The following LRRC73 variants were observed in gnomAD, a reference collection of about 807,000 sequenced individuals.
LRRC73 encodes leucine-rich repeat-containing protein 73.
In LRRC73, 16 loss-of-function variants were observed where a neutral mutation model predicts 26.4. That is an observed-to-expected ratio of 0.61 (90% CI 0.41 to 0.92). The LOEUF (loss-of-function observed/expected upper bound fraction) is 0.92, where lower values mean the gene tolerates loss of function less well. Ranked by LOEUF, LRRC73 falls within the 40% of genes least tolerant of loss-of-function variation. The pLI is 0.00. For missense variants in LRRC73, 344 were observed against 416.3 expected, an observed-to-expected ratio of 0.83 and a Z score of 1.51; for synonymous variants, 210 against 179.8, an observed-to-expected ratio of 1.17 and a Z score of -1.34.
chr6:43,507,864 C>A, exon 4 of LRRC73: 1 of 1,613,898 alleles, frequency 6.2e-7, no homozygotes, highest in Non-Finnish European at 8.5e-7. Context: ...CCCTCCAAGT[C>A]TAGGACCTCT....
At chr6:43,507,884 C>A in exon 4 of LRRC73, 1 of 1,613,972 alleles carries the variant, frequency 6.2e-7, no homozygotes, top group Non-Finnish European at 8.5e-7. Flanking sequence ...TAGGGTACGA[C>A]TAGAGGCCAC....
Position 43,507,113 on chromosome 6 carries a change from G to C in LRRC73, c.*125C>G, listed in dbSNP as rs565867455. ...CCTTCCCACCACACTGCCAGGAGCT[G>C]CCAGAGCCCCCATGCAGCCCCTGAC... On this transcript the variant is annotated 3_prime_UTR_variant, in exon 6 of 6. Coordinates refer to ENST00000372441, the Ensembl canonical transcript of LRRC73. The C allele has an allele frequency of 3.5e-4, 343 of 975,088 alleles. 2 individuals carry two copies. Among genetic ancestry groups the C allele is most frequent in the Non-Finnish European group, 2.2e-5 (14 of 640,412 alleles). The allele number at this position is 975,088 out of a possible 1,614,324, so 60.4% of individuals were successfully genotyped here. A position where few individuals can be genotyped will look rare whatever the true frequency, so the allele number is the denominator to read the frequency against.
chr6:43,507,639 G>C (rs761992197), exon 5 of LRRC73: 1 of 1,614,114 alleles, frequency 6.2e-7, no homozygotes, highest in Non-Finnish European at 8.5e-7. Flanking sequence ...ACCAGGCTCC[G>C]CAAAGCTGTG....
In LRRC73 at chr6:43,508,024, G is replaced by A. The variant is rs1304414414; in HGVS notation, c.557-98C>T. 1.5e-5 allele frequency: 17 copies of A among 1,140,960 alleles called. No homozygotes were observed. In the East Asian group the frequency reaches 3.3e-4, roughly 22 times the overall value. 70.7% of individuals were successfully genotyped at this position (1,140,960 alleles called of 1,614,324 possible). A position where few individuals can be genotyped will look rare whatever the true frequency, so the allele number is the denominator to read the frequency against. On this transcript the variant is annotated intron_variant, in intron 3 of 5. Transcript: ENST00000372441. ...TTAACAACTTTAGATACTAATCCCTGGCCAAGGAAACATGGACAATTGGTG... is the reference window on the plus strand; with the variant it reads ...TTAACAACTTTAGATACTAATCCCTAGCCAAGGAAACATGGACAATTGGTG...
At chr6:43,509,931 AG>A in exon 1 of LRRC73, 1 of 573,106 alleles carries the variant, frequency 1.7e-6, no homozygotes, top group Admixed American at 4.6e-5. Flanking sequence ...GCTGTGGCGG[AG>A]GCTGCGGCTG....
exon 5 of LRRC73, chr6:43,507,507 G>A (rs769558368): frequency 2.9e-5 from 47 of 1,612,928 alleles, no homozygotes; most frequent in Non-Finnish European, 3.6e-5. Context: ...GCAGGCTCCC[G>A]CCCTCTCTCC....
At chr6:43,509,627 G>A in exon 1 of LRRC73, 2 of 1,603,738 alleles carry the variant, frequency 1.2e-6, no homozygotes, top group Non-Finnish European at 1.7e-6. Context: ...ACGTGGCCCC[G>A]GCCAGGGCCC....
chr6:43,508,404 C>T lies in LRRC73; in HGVS notation c.450G>A (p.Thr150=), dbSNP rs141583225. 4.6e-4 allele frequency: 745 copies of T among 1,613,584 alleles called. No individual in the cohort carries two copies. The Middle Eastern group carries it at 8.6e-3, about 19-fold the overall frequency. Reference sequence around the variant, plus strand: ...GGGTGATGCCAGGGTTGGCACTCAGCGTTAGCTCCTTCAAGCCTGGGCAGC... The same window carrying T: ...GGGTGATGCCAGGGTTGGCACTCAGTGTTAGCTCCTTCAAGCCTGGGCAGC... Residue 150 remains threonine (T), a synonymous_variant, in exon 3 of 6, where the codon ACG becomes ACA. Transcript: ENST00000372441.
chr6:43,508,281 G>T lies in LRRC73; in HGVS notation c.556+17C>A. ...CATGAGGCAGTGACAGCCCAAGGGG[G>T]TATTCTTGAGCCTCACCCAGGGGGT... On this transcript the variant is annotated intron_variant, in intron 3 of 5. Coordinates refer to ENST00000372441, the Ensembl canonical transcript of LRRC73. The T allele has an allele frequency of 6.2e-7, 1 of 1,603,902 alleles. No homozygotes were observed. Among genetic ancestry groups the T allele is most frequent in the Non-Finnish European group, 8.5e-7 (1 of 1,174,552 alleles).
At chr6:43,509,130 T>C (rs762043862) in intron 1 of LRRC73, among the ~76,000 whole-genome samples, 1 of 127,054 alleles carries the variant, frequency 7.9e-6, no homozygotes, top group African/African-American at 3.0e-5. Flanking sequence ...TCCAGGACAT[T>C]GCACAGGGAG....
chr6:43,506,989 C>T (rs1030197029), exon 6 of LRRC73: 3 of 524,946 alleles, frequency 5.7e-6, no homozygotes, highest in Non-Finnish European at 6.9e-6. Flanking sequence ...AAATCTTTTC[C>T]GAGCCAGCGG....
At chr6:43,507,468 T>C (rs576025527) in exon 5 of LRRC73, 2 of 1,612,906 alleles carry the variant, frequency 1.2e-6, no homozygotes, top group African/African-American at 2.7e-5. Flanking sequence ...CTGGGGCACA[T>C]CCAGGAGCTG....
chr6:43,510,040 G>C (rs955697652), exon 1 of LRRC73: 1 of 287,690 alleles, frequency 3.5e-6, no homozygotes, highest in Non-Finnish European at 6.4e-6. Flanking sequence ...GGGCTGAAGT[G>C]GGGCGGCGCT....
In LRRC73 at chr6:43,509,509, C is replaced by A; in HGVS notation, c.272+5G>T. 6.3e-7 allele frequency: 1 copy of A among 1,597,464 alleles called. No homozygotes were observed. The highest frequency in any genetic ancestry group is 1.1e-5 in the South Asian group (1 of 89,928). ...CGGGACCCCCTTGCGAGGGGGCGCA[C>A]TCACAAGAGGGACTGGATGGAGCGG... On this transcript the variant is annotated splice_donor_5th_base_variant and intron_variant, in intron 1 of 5. Transcript: ENST00000372441.
chr6:43,508,376 TA>T lies in LRRC73; in HGVS notation c.477del (p.Lys160ArgfsTer36), dbSNP rs747171059. 6.2e-7 allele frequency: 1 copy of T among 1,613,668 alleles called. No homozygotes were observed. The highest frequency in any genetic ancestry group is 2.2e-5 in the East Asian group (1 of 44,880). On this transcript the variant is annotated frameshift_variant, in exon 3 of 6. Transcript: ENST00000372441. LOFTEE classifies it high-confidence loss of function. The stretch of plus-strand genomic sequence containing the variant: ...GCAATGGCAAGGCGGCTCCAGCCCT[TA>T]GGGGTGATGCCAGGGTTGGCACTCA...
intron 3 of LRRC73, 84 bp downstream of exon 3, chr6:43,508,214 G>T: frequency 6.6e-7 from 1 of 1,514,222 alleles, no homozygotes. Flanking sequence ...CCCAGTGTAC[G>T]GGTTACCATG....
exon 3 of LRRC73, chr6:43,508,349 C>T (rs1436501010): frequency 8.7e-6 from 14 of 1,613,500 alleles, no homozygotes; most frequent in African/African-American, 4.0e-5. Flanking sequence ...CTGTGGGCCA[C>T]GGCAATGGCA....
At chr6:43,508,818 C>T (rs756319432) in exon 2 of LRRC73, 2 of 1,613,154 alleles carry the variant, frequency 1.2e-6, no homozygotes, top group East Asian at 4.5e-5. Flanking sequence ...CTTCATCACC[C>T]AGCATGCAGT....
In LRRC73 at chr6:43,508,433, A is replaced by G. The variant is rs1275764504; in HGVS notation, c.434-13T>C. On this transcript the variant is annotated splice_polypyrimidine_tract_variant and intron_variant, in intron 2 of 5. Coordinates refer to ENST00000372441, the Ensembl canonical transcript of LRRC73. ...AGCTCCTTCAAGCCTGGGCAGCATC[A>G]TAGCAAGAAACCAGAATAGGGAGGG... is the stretch of plus-strand genomic sequence containing the variant. 2.5e-6 allele frequency: 4 copies of G among 1,613,280 alleles called. No homozygotes were observed. The highest frequency in any genetic ancestry group is 3.4e-6 in the Non-Finnish European group (4 of 1,179,856).
Sources: allele counts gnomAD v4.1 joint callset (sites outside exome capture counted in the v4.1 genomes callset), GRCh38; gene constraint gnomAD v4.1.1; transcripts MANE v1.5; gene names NCBI Gene and HGNC (gene_info 2026-07-23, HGNC 2026-07-21).